Variants in DLG2 observed in about 807,000 individuals in gnomAD.
DLG2 encodes discs large MAGUK scaffold protein 2, also known as disks large homolog 2.
DLG2 carries 45 observed loss-of-function variants against 132.5 expected under a neutral mutation model. The observed-to-expected ratio is 0.34, with a 90% CI of 0.27 to 0.44. The LOEUF (loss-of-function observed/expected upper bound fraction) is 0.44, where lower values mean the gene tolerates loss of function less well. Among genes scored for constraint, DLG2 ranks in the 20% least tolerant of loss-of-function variants. The pLI is 1.00. For synonymous variants in DLG2, 424 were observed against 419.6 expected, an observed-to-expected ratio of 1.01 and a Z score of -0.13; for missense variants, 1,045 against 1,196.9, an observed-to-expected ratio of 0.87 and a Z score of 1.87.
intron 6 of DLG2, among the ~76,000 whole-genome samples, chr11:85,106,620 G>A (rs974333367): frequency 6.6e-6 from 1 of 151,850 alleles, no homozygotes; most frequent in Admixed American, 6.6e-5. Flanking sequence ...CACTTACTAA[G>A]CACTTAATTA....
intron 6 of DLG2, among the ~76,000 whole-genome samples, chr11:84,920,756 T>C (rs189959219): frequency 7.4e-4 from 113 of 152,256 alleles, no homozygotes; most frequent in African/African-American, 2.2e-3. Flanking sequence ...ATTTAATGAC[T>C]TGTTACATAA....
At chr11:84,922,857 TACAA>T (rs2092821668) in intron 6 of DLG2, among the ~76,000 whole-genome samples, 1 of 146,246 alleles carries the variant, frequency 6.8e-6, no homozygotes, top group Non-Finnish European at 1.5e-5. Context: ...GAACCTGAAT[TACAA>T]ACAGTTAAAC....
intron 6 of DLG2, among the ~76,000 whole-genome samples, chr11:84,862,881 G>A (rs1330485775): frequency 2.6e-5 from 4 of 151,008 alleles, no homozygotes; most frequent in South Asian, 2.1e-4. Context: ...TGTACGTGAC[G>A]GGTTGACAGG....
chr11:84,316,988 G>A (rs758890656), intron 7 of DLG2: 14 of 1,612,812 alleles, frequency 8.7e-6, no homozygotes, highest in Non-Finnish European at 1.1e-5. Context: ...TGGTCCTGAG[G>A]AGGGCATGGT....
At chr11:85,595,891 A>G (rs1003290638) in intron 3 of DLG2, among the ~76,000 whole-genome samples, 8 of 152,212 alleles carry the variant, frequency 5.3e-5, no homozygotes, top group Admixed American at 3.9e-4. Flanking sequence ...GATACCATTT[A>G]AAACATGCTA....
intron 5 of DLG2, among the ~76,000 whole-genome samples, chr11:85,120,792 C>A (rs1050557819): frequency 1.5e-4 from 23 of 152,032 alleles, no homozygotes; most frequent in African/African-American, 5.3e-4. Flanking sequence ...TTTGGATATT[C>A]TTTTTTGAAA....
intron 6 of DLG2, among the ~76,000 whole-genome samples, chr11:85,089,402 G>A (rs1272064393): frequency 6.6e-6 from 1 of 151,988 alleles, no homozygotes. Context: ...TTCTGTTCCT[G>A]CATTAATTTG....
chr11:84,859,479 G>A (rs1441697496), intron 6 of DLG2, among the ~76,000 whole-genome samples: 1 of 140,858 alleles, frequency 7.1e-6, no homozygotes, highest in Non-Finnish European at 1.5e-5. Context: ...TCCTCCTATT[G>A]GGTTGTATAT....
intron 6 of DLG2, among the ~76,000 whole-genome samples, chr11:84,726,189 A>T (rs1354144788): frequency 6.6e-6 from 1 of 152,122 alleles, no homozygotes; most frequent in Admixed American, 6.6e-5. Context: ...ATAGGTATAC[A>T]CGTGGCATGG....
At chr11:83,612,087 G>GTGCTTAGGA (rs572437968) in intron 19 of DLG2, among the ~76,000 whole-genome samples, 75 of 152,300 alleles carry the variant, frequency 4.9e-4, no homozygotes, top group African/African-American at 1.7e-3. Context: ...TCCCCATGGA[G>GTGCTTAGGA]TGCTTAGGAT....
At chr11:85,332,405 T>C (rs932684061) in intron 3 of DLG2, among the ~76,000 whole-genome samples, 3 of 152,214 alleles carry the variant, frequency 2.0e-5, no homozygotes, top group African/African-American at 7.2e-5. Flanking sequence ...TTTTCTCCCA[T>C]TCTGCAGGTT....
At chr11:84,581,247 C>A (rs1453024587) in intron 6 of DLG2, among the ~76,000 whole-genome samples, 1 of 152,128 alleles carries the variant, frequency 6.6e-6, no homozygotes, top group East Asian at 1.9e-4. Flanking sequence ...GACATGAACA[C>A]AAAAGACATT....
chr11:83,654,689 A>G (rs956813102), intron 18 of DLG2, among the ~76,000 whole-genome samples: 11 of 152,230 alleles, frequency 7.2e-5, no homozygotes, highest in Admixed American at 1.3e-4. Flanking sequence ...GTAACATCTA[A>G]TGCCCCAGCA....
chr11:84,856,551 T>A (rs2082814670), intron 6 of DLG2, among the ~76,000 whole-genome samples: 1 of 152,160 alleles, frequency 6.6e-6, no homozygotes, highest in South Asian at 2.1e-4. Context: ...ATATATTCAC[T>A]TATTTCCATC....
intron 19 of DLG2, among the ~76,000 whole-genome samples, chr11:83,581,608 C>G (rs515618): frequency 0.72 from 108,922 of 152,080 alleles, 39,696 homozygotes; most frequent in African/African-American, 0.86. Flanking sequence ...TATGATTCTA[C>G]AGAGGAACTT....
intron 11 of DLG2, among the ~76,000 whole-genome samples, chr11:84,018,601 A>G (rs1426524168): frequency 6.6e-6 from 1 of 151,632 alleles, no homozygotes; most frequent in Non-Finnish European, 1.5e-5. Context: ...GCCATCACCT[A>G]TAGTCTAGCA....
chr11:84,767,594 T>C (rs530197100), intron 6 of DLG2, among the ~76,000 whole-genome samples: 3 of 152,182 alleles, frequency 2.0e-5, no homozygotes, highest in African/African-American at 7.2e-5. Context: ...ATTAAGATTG[T>C]TCCTAACCTG....
In DLG2 at chr11:84,527,419, C is replaced by T. The variant is rs1437286824; in HGVS notation, c.519+7151G>A. Among the ~76,000 whole-genome samples the T allele has an allele frequency of 2.0e-5, 3 of 152,110 alleles. No homozygotes were observed. The East Asian group carries it at 5.8e-4, about 29-fold the overall frequency. On this transcript the variant is annotated intron_variant, in intron 7 of 27. Transcript: ENST00000376104. ...GCTTCTTCATGCTTCAGCTCTCCTC[C>T]TATAATTTCTCAAATGTGCATTGCC...
At chr11:84,392,598 G>A (rs539305680) in intron 7 of DLG2, among the ~76,000 whole-genome samples, 1 of 152,248 alleles carries the variant, frequency 6.6e-6, no homozygotes, top group South Asian at 2.1e-4. Context: ...AGCATGTATT[G>A]AACACTTACT....
Sources: gnomAD v4.1 joint callset for allele counts (sites outside exome capture counted in the v4.1 genomes callset) on GRCh38, gnomAD v4.1.1 for gene constraint, MANE v1.5 for transcripts, NCBI Gene and HGNC (gene_info 2026-07-23, HGNC 2026-07-21) for gene names.